VGLL3: variants seen among roughly 807,000 people sequenced by gnomAD.
VGLL3 encodes the protein vestigial like family member 3.
A neutral mutation model predicts 29.2 loss-of-function variants in VGLL3; 18 were observed. The observed-to-expected ratio is 0.62, with a 90% CI of 0.43 to 0.91. VGLL3 has a LOEUF of 0.91. Among genes scored for constraint, VGLL3 ranks in the 40% least tolerant of loss-of-function variants. The pLI, the probability that VGLL3 is intolerant of heterozygous loss-of-function variation, is 0.00. For synonymous variants in VGLL3, 180 were observed against 151.8 expected, an observed-to-expected ratio of 1.19 and a Z score of -1.36; for missense variants, 440 against 413.2, an observed-to-expected ratio of 1.06 and a Z score of -0.56.
chr3:86,983,045 G>A (rs930524805), intron 1 of VGLL3, among the ~76,000 whole-genome samples: 2 of 152,166 alleles, frequency 1.3e-5, no homozygotes, highest in Non-Finnish European at 2.9e-5. Context: ...TGCAGGGGAA[G>A]GATTTGTCTG....
chr3:86,946,978 G>T lies in VGLL3; in HGVS notation c.*46C>A, dbSNP rs556642836. On this transcript the variant is annotated 3_prime_UTR_variant, in exon 4 of 4. Transcript: ENST00000398399. ...AACCCGACAGTATCTTTTCCCAGTG[G>T]GCCCTTGGATTTATGCTGCAACTTA... is the stretch of plus-strand genomic sequence containing the variant. 2.6e-6 allele frequency: 2 copies of T among 774,938 alleles called. No homozygotes were observed. The highest frequency in any genetic ancestry group is 4.8e-6 in the Non-Finnish European group (2 of 415,350). 48.0% of individuals were successfully genotyped at this position (774,938 alleles called of 1,614,324 possible).
rs1053940181 is a variant in VGLL3, at chr3:86,941,070, C to T, written c.*5954G>A. Reference sequence around the variant, plus strand: ...TATTTTTGTTGACAAAAGCATTTCACCTTACCTAGATTTATATAATAAAAA... The same window carrying T: ...TATTTTTGTTGACAAAAGCATTTCATCTTACCTAGATTTATATAATAAAAA... On this transcript the variant is annotated 3_prime_UTR_variant, in exon 4 of 4. Coordinates refer to ENST00000398399, the MANE Select transcript of VGLL3 (RefSeq NM_016206.4). 2 of 152,132 alleles carry T rather than the reference C, an allele frequency of 1.3e-5. No homozygotes were observed. The highest frequency in any genetic ancestry group is 2.1e-4 in the South Asian group (1 of 4,820). The allele number at this position is 152,132 out of a possible 1,614,324, so 9.4% of individuals were successfully genotyped here.
chr3:86,978,693 G>A lies in VGLL3; in HGVS notation c.236C>T (p.Ala79Val), dbSNP rs376365421. ...EEEEEEKDQP[A>V]EMEYLNSRCV... ...GCGAGAGTTAAGGTACTCCATCTCG[G>A]CAGGCTGGTCTTTCTCCTCCTCCTC... is the stretch of plus-strand genomic sequence containing the variant. Residue 79 changes from alanine (A) to valine (V), a missense_variant, in exon 2 of 4, where the codon GCC becomes GTC. By Grantham distance (64) the Ala-to-Val change is moderately conservative. Transcript: ENST00000398399. 12 of 1,613,956 alleles carry A rather than the reference G, an allele frequency of 7.4e-6. No individual in the cohort carries two copies. Among genetic ancestry groups the A allele is most frequent in the Non-Finnish European group, 9.3e-6 (11 of 1,179,978 alleles).
chr3:86,968,901 T>A lies in VGLL3; in HGVS notation c.626A>T (p.Tyr209Phe). 1 of 1,614,040 alleles carries A rather than the reference T, an allele frequency of 6.2e-7. No homozygotes were observed. Among genetic ancestry groups the A allele is most frequent in the Non-Finnish European group, 8.5e-7 (1 of 1,180,014 alleles). ...PPPAVSESWP[Y>F]PLTSQVSPSY... ...TGGGCTCACCTGAGATGTCAAAGGA[T>A]AAGGCCAGGACTCAGACACAGCAGG... Residue 209 changes from tyrosine to phenylalanine, a missense_variant, in exon 3 of 4, where the codon TAT becomes TTT. By Grantham distance (22) the Tyr-to-Phe change is conservative. Coordinates refer to ENST00000398399, the MANE Select transcript of VGLL3 (RefSeq NM_016206.4).
chr3:86,984,061 C>T (rs1316459395), intron 1 of VGLL3, among the ~76,000 whole-genome samples: 1 of 152,168 alleles, frequency 6.6e-6, no homozygotes, highest in East Asian at 1.9e-4. Context: ...AGCATGGCAT[C>T]ACATGCTAAC....
rs909069948 is a variant in VGLL3 at position 86,962,554 on chromosome 3, T to A, written c.937+6036A>T. On this transcript the variant is annotated intron_variant, in intron 3 of 3. Transcript: ENST00000398399. ...ACAATTTAAATACTAAAAAAAAATT[T>A]AAAAAACAAAAATTTAAATTTAAAT... The A allele has an allele frequency of 1.3e-5, 13 of 977,858 alleles. No homozygotes were observed. The South Asian group carries it at 1.4e-4, about 11-fold the overall frequency. 60.6% of individuals were successfully genotyped at this position (977,858 alleles called of 1,614,324 possible).
At chr3:86,962,868 G>A (rs1202706668) in intron 3 of VGLL3, 1 of 164,400 alleles carries the variant, frequency 6.1e-6, no homozygotes. Flanking sequence ...AAATAGGGAA[G>A]CCAGCCTTCA....
chr3:86,976,362 A>C (rs1575875769), intron 2 of VGLL3, among the ~76,000 whole-genome samples: 2 of 152,316 alleles, frequency 1.3e-5, no homozygotes, highest in East Asian at 3.9e-4. Flanking sequence ...ACCTTATGTA[A>C]AATAACATAT....
intron 1 of VGLL3, among the ~76,000 whole-genome samples, chr3:86,986,443 G>C (rs897250473): frequency 6.6e-6 from 1 of 152,052 alleles, no homozygotes; most frequent in Non-Finnish European, 1.5e-5. Context: ...CTCCAGCTTT[G>C]AATTTTCTGG....
At chr3:86,958,049 T>C (rs1704759348) in intron 3 of VGLL3, among the ~76,000 whole-genome samples, 1 of 152,196 alleles carries the variant, frequency 6.6e-6, no homozygotes, top group Admixed American at 6.5e-5. Flanking sequence ...TGTTATTATT[T>C]TCCAAAAAAG....
chr3:86,979,912 CT>C (rs1228584463), intron 1 of VGLL3, among the ~76,000 whole-genome samples: 1 of 152,042 alleles, frequency 6.6e-6, no homozygotes, highest in African/African-American at 2.4e-5. Flanking sequence ...TATTGTTTTT[CT>C]GTGTAATACG....
intron 3 of VGLL3, among the ~76,000 whole-genome samples, chr3:86,956,683 G>A (rs1251331368): frequency 6.6e-6 from 1 of 151,696 alleles, no homozygotes; most frequent in African/African-American, 2.4e-5. Flanking sequence ...TACTCAGGAG[G>A]CTGAGGCAGG....
intron 2 of VGLL3, among the ~76,000 whole-genome samples, chr3:86,969,600 C>A (rs554710909): frequency 6.6e-5 from 10 of 152,152 alleles, no homozygotes; most frequent in African/African-American, 1.9e-4. Context: ...CCGAAGGTAA[C>A]AATGGAAGTA....
At chr3:86,958,400 A>G (rs1201512678) in intron 3 of VGLL3, among the ~76,000 whole-genome samples, 4 of 152,230 alleles carry the variant, frequency 2.6e-5, no homozygotes, top group Admixed American at 2.6e-4. Flanking sequence ...GTCTTTTACA[A>G]TGATTCAAAT....
intron 3 of VGLL3, among the ~76,000 whole-genome samples, chr3:86,965,872 C>T (rs1007203613): frequency 6.6e-6 from 1 of 152,190 alleles, no homozygotes; most frequent in South Asian, 2.1e-4. Flanking sequence ...CTGCCCAAAT[C>T]TCTCATTCTC....
Position 86,968,618 on chromosome 3 carries a change from G to A in VGLL3, c.909C>T (p.Asp303=), listed in dbSNP as rs1559727341. The change falls in exon 3 of 4, where the codon GAC becomes GAT. Residue 303 remains aspartate, a synonymous_variant. Coordinates refer to ENST00000398399, the MANE Select transcript of VGLL3 (RefSeq NM_016206.4). ...AWAGAFHGTV[D]IVPSVGFDTG... Reference sequence around the variant, plus strand: ...TATCGAATCCCACGCTGGGCACTATGTCTACTGTTCCATGAAAGGCTCCAG... The same window carrying A: ...TATCGAATCCCACGCTGGGCACTATATCTACTGTTCCATGAAAGGCTCCAG... The A allele has an allele frequency of 6.2e-7, 1 of 1,614,132 alleles. No individual in the cohort carries two copies. The highest frequency in any genetic ancestry group is 8.5e-7 in the Non-Finnish European group (1 of 1,180,044).
chr3:86,964,649 A>C (rs762188503), intron 3 of VGLL3, among the ~76,000 whole-genome samples: 24 of 152,178 alleles, frequency 1.6e-4, no homozygotes, highest in Non-Finnish European at 3.1e-4. Flanking sequence ...CCTGAAGATT[A>C]CTTTGCCCGT....
chr3:86,980,017 C>T (rs148834235), intron 1 of VGLL3, among the ~76,000 whole-genome samples: 7 of 151,862 alleles, frequency 4.6e-5, no homozygotes, highest in South Asian at 2.1e-4. Flanking sequence ...AACTTCAATG[C>T]GAATTACATA....
At chr3:86,981,616 G>C (rs1705325393) in intron 1 of VGLL3, among the ~76,000 whole-genome samples, 1 of 151,346 alleles carries the variant, frequency 6.6e-6, no homozygotes, top group Non-Finnish European at 1.5e-5. Flanking sequence ...AAAATTTTTT[G>C]TAATGATTAT....
Sources: gnomAD v4.1 joint callset for allele counts (sites outside exome capture counted in the v4.1 genomes callset) on GRCh38, gnomAD v4.1.1 for gene constraint, MANE v1.5 for transcripts, NCBI Gene and HGNC (gene_info 2026-07-23, HGNC 2026-07-21) for gene names.